Variants in MPPED1 observed in about 807,000 individuals in gnomAD.
The protein encoded by MPPED1 is metallophosphoesterase domain containing 1.
Under a neutral mutation model 36.2 loss-of-function variants are expected in MPPED1, and 16 were observed. The ratio of observed to expected loss-of-function variants is 0.44; its 90% CI spans 0.30 to 0.67. The LOEUF (loss-of-function observed/expected upper bound fraction) is 0.67. MPPED1 is among the 30% of genes least tolerant of loss of function. The probability of loss-of-function intolerance (pLI) is 0.10; values close to 1 mark genes in which losing one functional copy is unlikely to be tolerated. For synonymous variants in MPPED1, 199 were observed against 191.3 expected (o/e 1.04, Z -0.33); for missense variants, 307 against 453.4 (o/e 0.68, Z 2.93).
intron 3 of MPPED1, among the ~76,000 whole-genome samples, chr22:43,446,120 C>T (rs1272088023): frequency 6.6e-6 from 1 of 152,160 alleles, no homozygotes; most frequent in East Asian, 1.9e-4. Flanking sequence ...ATCTGCCTGC[C>T]TTGGCCTCCC....
chr22:43,420,002 C>T (rs1291749216), intron 1 of MPPED1, among the ~76,000 whole-genome samples: 1 of 152,068 alleles, frequency 6.6e-6, no homozygotes, highest in East Asian at 1.9e-4. Context: ...CCCTTAGAAC[C>T]AGAGGGAATT....
chr22:43,499,287 A>G (rs1602023895), intron 5 of MPPED1, among the ~76,000 whole-genome samples: 3 of 84,966 alleles, frequency 3.5e-5, no homozygotes, highest in Non-Finnish European at 7.4e-5. Flanking sequence ...GGGGGTGGTG[A>G]TGGATGTGAT....
chr22:43,447,874 TATATATATA>T (rs1471767485), intron 3 of MPPED1, among the ~76,000 whole-genome samples: 613 of 32,280 alleles, frequency 0.019, 7 homozygotes, highest in African/African-American at 0.084. Flanking sequence ...TATATATATA[TATATATATA>T]TTTTTTTTTT....
At chr22:43,475,619 G>T (rs1212088795) in intron 4 of MPPED1, among the ~76,000 whole-genome samples, 1 of 126,128 alleles carries the variant, frequency 7.9e-6, no homozygotes, top group African/African-American at 3.3e-5. Flanking sequence ...GGTGGTGATG[G>T]TGATGATGGT....
chr22:43,433,865 C>T (rs1032212933), intron 2 of MPPED1, among the ~76,000 whole-genome samples: 4 of 152,242 alleles, frequency 2.6e-5, no homozygotes, highest in Admixed American at 6.5e-5. Flanking sequence ...CACAACTCCT[C>T]GAGCAGCATA....
chr22:43,504,947 G>A (rs369702487), intron 6 of MPPED1, among the ~76,000 whole-genome samples: 1 of 132,756 alleles, frequency 7.5e-6, no homozygotes, highest in South Asian at 3.0e-4. Flanking sequence ...GATGATGTTG[G>A]TGATGGCGAT....
At chr22:43,436,235 G>A (rs976517246) in intron 3 of MPPED1, among the ~76,000 whole-genome samples, 1 of 152,232 alleles carries the variant, frequency 6.6e-6, no homozygotes, top group Non-Finnish European at 1.5e-5. Flanking sequence ...GATGGCCCCT[G>A]TGCAGCCCAG....
At chr22:43,451,205 C>T (rs1930556261) in intron 3 of MPPED1, among the ~76,000 whole-genome samples, 2 of 152,036 alleles carry the variant, frequency 1.3e-5, no homozygotes, top group Admixed American at 6.6e-5. Context: ...CTGGGTTTCA[C>T]GATGTTGGCC....
At chr22:43,437,343 A>G (rs1304211873) in intron 3 of MPPED1, among the ~76,000 whole-genome samples, 3 of 152,196 alleles carry the variant, frequency 2.0e-5, no homozygotes, top group Non-Finnish European at 4.4e-5. Flanking sequence ...CTTCGCATGT[A>G]TTAGTAACTC....
At chr22:43,427,096 G>A (rs1057239374) in intron 2 of MPPED1, among the ~76,000 whole-genome samples, 1 of 152,236 alleles carries the variant, frequency 6.6e-6, no homozygotes, top group Non-Finnish European at 1.5e-5. Flanking sequence ...CAAGGAGAGA[G>A]CAGCAAGGCC....
At chr22:43,446,746 C>T (rs1930361536) in intron 3 of MPPED1, among the ~76,000 whole-genome samples, 1 of 152,320 alleles carries the variant, frequency 6.6e-6, no homozygotes, top group Non-Finnish European at 1.5e-5. Context: ...AGGGTTGAGG[C>T]TAACCTAGGG....
chr22:43,444,053 CA>C (rs1240333319), intron 3 of MPPED1, among the ~76,000 whole-genome samples: 1 of 151,888 alleles, frequency 6.6e-6, no homozygotes, highest in Non-Finnish European at 1.5e-5. Flanking sequence ...TATTCTTCAT[CA>C]AAAAAATTCC....
chr22:43,457,001 T>C (rs954541303), intron 3 of MPPED1, among the ~76,000 whole-genome samples: 2 of 152,234 alleles, frequency 1.3e-5, no homozygotes, highest in African/African-American at 4.8e-5. Context: ...AATCCTTTGT[T>C]GCTTGATTTG....
chr22:43,429,616 C>T (rs1453872157), intron 2 of MPPED1, among the ~76,000 whole-genome samples: 2 of 152,270 alleles, frequency 1.3e-5, no homozygotes, highest in Non-Finnish European at 2.9e-5. Context: ...CGCTTTGTGG[C>T]ACCTGATTCA....
chr22:43,498,116 G>T (rs2146918807), intron 4 of MPPED1, 119 bp from the exon 5 acceptor site: 7 of 693,440 alleles, frequency 1.0e-5, no homozygotes, highest in Middle Eastern at 2.4e-4. Flanking sequence ...GACCTTCCCT[G>T]GGTCTCCAGG....
intron 3 of MPPED1, among the ~76,000 whole-genome samples, chr22:43,456,117 T>C (rs1930744549): frequency 6.6e-6 from 1 of 152,224 alleles, no homozygotes; most frequent in African/African-American, 2.4e-5. Flanking sequence ...TTCCCTTCCG[T>C]TCTGGATGCT....
chr22:43,422,766 C>T (rs1569063613), intron 1 of MPPED1, among the ~76,000 whole-genome samples: 1 of 152,182 alleles, frequency 6.6e-6, no homozygotes, highest in Non-Finnish European at 1.5e-5. Context: ...CTGGGACCCA[C>T]CAGGCATTGT....
intron 4 of MPPED1, among the ~76,000 whole-genome samples, chr22:43,485,888 C>T (rs919215060): frequency 2.0e-5 from 3 of 152,250 alleles, no homozygotes; most frequent in Non-Finnish European, 4.4e-5. Flanking sequence ...GTGTGATTGA[C>T]GGGCTTTGGG....
intron 4 of MPPED1, among the ~76,000 whole-genome samples, chr22:43,490,679 A>G (rs1023835372): frequency 6.6e-6 from 1 of 152,170 alleles, no homozygotes; most frequent in African/African-American, 2.4e-5. Flanking sequence ...ATTTGATCAG[A>G]TTTTTGAAAA....
Sources: gnomAD v4.1 joint callset for allele counts (sites outside exome capture counted in the v4.1 genomes callset) on GRCh38, gnomAD v4.1.1 for gene constraint, MANE v1.5 for transcripts, NCBI Gene and HGNC (gene_info 2026-07-23, HGNC 2026-07-21) for gene names.